Variants in PTPRN2 observed in about 807,000 individuals in gnomAD.
PTPRN2 encodes the protein protein tyrosine phosphatase receptor type N2, also known as receptor-type tyrosine-protein phosphatase N2.
Under a neutral mutation model 118.8 loss-of-function variants are expected in PTPRN2, and 74 were observed. The observed-to-expected ratio is 0.62, with a 90% CI of 0.52 to 0.76. PTPRN2 has a LOEUF of 0.76. Ranked by LOEUF, PTPRN2 falls within the 30% of genes least tolerant of loss-of-function variation. PTPRN2 has a pLI of 0.00. For synonymous variants in PTPRN2, 641 were observed against 608.0 expected (o/e 1.05, Z -0.80); for missense variants, 1,481 against 1,394.4 (o/e 1.06, Z -0.99).
At chr7:158,077,413 C>A (rs60466634) in intron 11 of PTPRN2, among the ~76,000 whole-genome samples, 1 of 152,132 alleles carries the variant, frequency 6.6e-6, no homozygotes, top group Non-Finnish European at 1.5e-5. Context: ...CTCCAACAGG[C>A]TGAAAGAAAC....
intron 2 of PTPRN2, among the ~76,000 whole-genome samples, chr7:158,415,913 T>G (rs1476441583): frequency 6.6e-6 from 1 of 152,210 alleles, no homozygotes; most frequent in South Asian, 2.1e-4. Flanking sequence ...GGTGGTCCCC[T>G]AGAAGCCCCT....
At position 158,242,944 on chromosome 7, in the gene PTPRN2, T is replaced by G. The variant is rs560339525; in HGVS notation, c.278-37671A>C. ...CAGTCTAGCTGAAGATCTGTCCATT[T>G]TGTGTCTTTTCAACAAAACAACTCC... On this transcript the variant is annotated intron_variant, in intron 3 of 22. Transcript: ENST00000389418. Among the ~76,000 whole-genome samples, 38 of 152,328 alleles carry G rather than the reference T, an allele frequency of 2.5e-4. No individual in the cohort carries two copies. The South Asian group carries it at 3.5e-3, about 14-fold the overall frequency.
chr7:158,067,576 A>G (rs916105331), intron 11 of PTPRN2, among the ~76,000 whole-genome samples: 111 of 152,288 alleles, frequency 7.3e-4, no homozygotes, highest in Admixed American at 6.9e-3. Flanking sequence ...CTGTTCTACA[A>G]TCTTGAGAAA....
intron 3 of PTPRN2, among the ~76,000 whole-genome samples, chr7:158,263,358 G>A (rs557417789): frequency 6.6e-6 from 1 of 151,306 alleles, no homozygotes; most frequent in East Asian, 2.0e-4. Flanking sequence ...GTACACATAT[G>A]AGCACACACA....
intron 11 of PTPRN2, among the ~76,000 whole-genome samples, chr7:158,013,446 T>G (rs1015602760): frequency 1.3e-5 from 2 of 151,632 alleles, no homozygotes; most frequent in Non-Finnish European, 2.9e-5. Flanking sequence ...CCTTCCTTCC[T>G]TCCATCCACC....
At chr7:158,251,568 G>A (rs1796667682) in intron 3 of PTPRN2, among the ~76,000 whole-genome samples, 1 of 150,232 alleles carries the variant, frequency 6.7e-6, no homozygotes, top group Admixed American at 6.6e-5. Flanking sequence ...CCTGTGGGGT[G>A]TGTGCAGGTG....
intron 12 of PTPRN2, among the ~76,000 whole-genome samples, chr7:157,890,358 C>T (rs1796726414): frequency 6.6e-6 from 1 of 152,150 alleles, no homozygotes; most frequent in Non-Finnish European, 1.5e-5. Context: ...AATAAGACTT[C>T]AGGCTGGGCA....
At chr7:158,468,960 C>G (rs1428477585) in intron 2 of PTPRN2, among the ~76,000 whole-genome samples, 1 of 151,974 alleles carries the variant, frequency 6.6e-6, no homozygotes, top group Non-Finnish European at 1.5e-5. Flanking sequence ...CACACACACT[C>G]CGGGTGGATC....
chr7:158,379,566 C>T (rs577291652), intron 2 of PTPRN2, among the ~76,000 whole-genome samples: 12 of 151,822 alleles, frequency 7.9e-5, no homozygotes, highest in East Asian at 1.9e-4. Context: ...TCACACCTCA[C>T]GGGTGGAGCA....
At chr7:158,175,863 G>A (rs1479725483) in intron 5 of PTPRN2, among the ~76,000 whole-genome samples, 1 of 152,144 alleles carries the variant, frequency 6.6e-6, no homozygotes, top group Non-Finnish European at 1.5e-5. Context: ...TGCATTCTGA[G>A]AGTCTGGAAT....
At chr7:157,711,667 C>A (rs1274105379) in intron 12 of PTPRN2, among the ~76,000 whole-genome samples, 2 of 152,112 alleles carry the variant, frequency 1.3e-5, no homozygotes, top group Non-Finnish European at 2.9e-5. Context: ...AGGGCCTAGG[C>A]CTGAGGACAA....
rs1334271299 is a variant in PTPRN2, at chr7:158,089,764, AT to A, written c.1644-8388del. Among the ~76,000 whole-genome samples, 14 of 126,558 alleles carry A rather than the reference AT, an allele frequency of 1.1e-4. 1 individual carries two copies. The highest frequency in any genetic ancestry group is 3.2e-4 in the Admixed American group (4 of 12,660). 83.0% of individuals were successfully genotyped at this position (126,558 alleles called of 152,430 possible). A position where few individuals can be genotyped will look rare whatever the true frequency, so the allele number is the denominator to read the frequency against. ...TCTTCACACAAACCTTCTTCCCCTG[AT>A]GAAAAGGGGAATGTTCACACAAATC... is the stretch of plus-strand genomic sequence containing the variant. On this transcript the variant is annotated intron_variant, in intron 10 of 22. Coordinates refer to ENST00000389418, the MANE Select transcript of PTPRN2 (RefSeq NM_002847.5).
intron 13 of PTPRN2, chr7:157,669,572 C>T (rs376235025): frequency 3.3e-5 from 16 of 486,596 alleles, no homozygotes; most frequent in East Asian, 1.2e-4. Context: ...AGGGGTTCCA[C>T]GCACGGGCAA....
intron 2 of PTPRN2, among the ~76,000 whole-genome samples, chr7:158,469,922 C>T (rs755889279): frequency 1.6e-4 from 23 of 145,562 alleles, no homozygotes; most frequent in Non-Finnish European, 2.5e-4. Context: ...TGCATCATAA[C>T]GGGCTGTTGC....
At chr7:158,310,145 G>A (rs756064988) in intron 3 of PTPRN2, among the ~76,000 whole-genome samples, 7 of 152,174 alleles carry the variant, frequency 4.6e-5, no homozygotes, top group Admixed American at 1.3e-4. Context: ...AATTGGCACC[G>A]GGAAGTAGCA....
At chr7:158,460,947 C>T (rs1818938778) in intron 2 of PTPRN2, among the ~76,000 whole-genome samples, 1 of 152,218 alleles carries the variant, frequency 6.6e-6, no homozygotes, top group Non-Finnish European at 1.5e-5. Context: ...GAAAAGTCAG[C>T]TGATCCACAT....
chr7:157,993,618 T>TC (rs2128848613), intron 11 of PTPRN2, among the ~76,000 whole-genome samples: 1 of 152,106 alleles, frequency 6.6e-6, no homozygotes, highest in South Asian at 2.1e-4. Context: ...AGGTGTCCTG[T>TC]CCCTGAGTCC....
chr7:157,712,335 T>C (rs1362018348), intron 12 of PTPRN2, among the ~76,000 whole-genome samples: 3 of 152,240 alleles, frequency 2.0e-5, no homozygotes, highest in African/African-American at 7.2e-5. Flanking sequence ...ATGTTGAGTC[T>C]TAACCCCAGG....
At chr7:158,067,286 G>A (rs193276440) in intron 11 of PTPRN2, among the ~76,000 whole-genome samples, 13 of 152,348 alleles carry the variant, frequency 8.5e-5, no homozygotes, top group South Asian at 4.1e-4. Flanking sequence ...CCTTGCAGTC[G>A]TCTACCTTCC....
Sources: allele counts gnomAD v4.1 joint callset (sites outside exome capture counted in the v4.1 genomes callset), GRCh38; gene constraint gnomAD v4.1.1; transcripts MANE v1.5; gene names NCBI Gene and HGNC (gene_info 2026-07-23, HGNC 2026-07-21).